Variants in MLC1 observed in about 807,000 individuals in gnomAD.
MLC1 encodes membrane protein MLC1.
In MLC1, 32 loss-of-function variants were observed where a neutral mutation model predicts 44.7. That is an observed-to-expected ratio of 0.72 (90% confidence interval 0.54 to 0.96). The LOEUF (loss-of-function observed/expected upper bound fraction) is 0.96, where lower values mean the gene tolerates loss of function less well. Among genes scored for constraint, MLC1 ranks in the 40% least tolerant of loss-of-function variants. The probability of loss-of-function intolerance (pLI) is 0.00; values close to 1 mark genes in which losing one functional copy is unlikely to be tolerated. For missense variants in MLC1, 459 were observed against 492.2 expected (o/e 0.93, Z 0.64); for synonymous variants, 190 against 213.0 (o/e 0.89, Z 0.94).
intron 3 of MLC1, among the ~76,000 whole-genome samples, chr22:50,081,053 G>GAAAGAAAGAAAGAAAGAAAGAAAGAAAGA (rs2062125381): frequency 6.6e-5 from 10 of 151,542 alleles, no homozygotes; most frequent in Admixed American, 6.6e-4. Context: ...AAGAAAGAAA[G>GAAAGAAAGAAAGAAAGAAAGAAAGAAAGA]AAAGAGGAGG....
At position 50,074,250 on chromosome 22, in the gene MLC1, T is replaced by C; in HGVS notation, c.680A>G (p.His227Arg). The change falls in exon 8 of 12, where the codon CAC becomes CGC. Residue 227 changes from histidine (H) to arginine (R), a missense_variant. Coordinates refer to ENST00000311597, the MANE Select transcript of MLC1 (RefSeq NM_015166.4). The stretch of plus-strand genomic sequence containing the variant: ...GATCCAAAAGAACGTCACTGAGAGG[T>C]GTGGGCCTGAAACTGAGTCATCCAC... ...LNVDDSVSGP[H>R]LSVTFFWILV... 6.2e-7 allele frequency: 1 copy of C among 1,613,594 alleles called. No individual in the cohort carries two copies. The highest frequency in any genetic ancestry group is 1.1e-5 in the South Asian group (1 of 90,992).
chr22:50,084,961 T>C lies in MLC1; in HGVS notation c.-59A>G, dbSNP rs1040235051. On this transcript the variant is annotated splice_region_variant and 5_prime_UTR_variant, in exon 2 of 12. Coordinates refer to ENST00000311597, the MANE Select transcript of MLC1 (RefSeq NM_015166.4). ...ACAGCCACGTGTCACCAGTTCTTTA[T>C]CTGGAATAAAATTATCATCGGCTTT... 6 of 1,598,482 alleles carry C rather than the reference T, an allele frequency of 3.8e-6. No individual in the cohort carries two copies. The Admixed American group carries it at 1.0e-4, about 27-fold the overall frequency.
chr22:50,064,102 C>A lies in MLC1; in HGVS notation c.991G>T (p.Val331Phe), dbSNP rs1407502869. 6.2e-7 allele frequency: 1 copy of A among 1,607,432 alleles called. No homozygotes were observed. Among genetic ancestry groups the A allele is most frequent in the Middle Eastern group, 1.7e-4 (1 of 5,990 alleles). ...GTAIQCVRFK[V>F]SARLQGASWD... ...GATGCACCCTGCAGCCTTGCACTGA[C>A]CTTGAAGCGCACGCACTGGATGGCG... Residue 331 changes from valine to phenylalanine, a missense_variant, in exon 11 of 12, where the codon GTC (valine) becomes TTC (phenylalanine). Val to Phe is a conservative substitution (Grantham distance 50). Transcript: ENST00000311597.
At chr22:50,079,113 G>T (rs1419708173) in intron 5 of MLC1, among the ~76,000 whole-genome samples, 1 of 152,002 alleles carries the variant, frequency 6.6e-6, no homozygotes, top group Non-Finnish European at 1.5e-5. Flanking sequence ...GTGAAACCTT[G>T]TCTGTACTAA....
At chr22:50,062,563 G>A (rs1246397978) in intron 11 of MLC1, among the ~76,000 whole-genome samples, 4 of 152,272 alleles carry the variant, frequency 2.6e-5, no homozygotes, top group Non-Finnish European at 5.9e-5. Context: ...GACGGGGTCA[G>A]CTGAGAAACG....
intron 11 of MLC1, 49 bp from the exon 12 acceptor site, chr22:50,061,706 G>A (rs766109625): frequency 1.9e-6 from 3 of 1,546,642 alleles, no homozygotes; most frequent in Non-Finnish European, 2.7e-6. Context: ...CACCTGTGCG[G>A]CGGGAAGGTG....
At chr22:50,081,549 G>A (rs117693007) in intron 3 of MLC1, among the ~76,000 whole-genome samples, 1,772 of 152,338 alleles carry the variant, frequency 0.012, 28 homozygotes, top group East Asian at 0.043. Context: ...GGATGGAGTC[G>A]GGCCAGCCCA....
intron 3 of MLC1, 131 bp from the exon 4 acceptor site, chr22:50,080,528 A>G: frequency 9.8e-7 from 1 of 1,022,948 alleles, no homozygotes; most frequent in East Asian, 2.6e-5. Flanking sequence ...TCCATGCAAC[A>G]CAGTGGGTTG....
Position 50,077,382 on chromosome 22 carries a change from G to A in MLC1, c.525+19C>T, listed in dbSNP as rs779976217. On this transcript the variant is annotated intron_variant, in intron 6 of 11. Coordinates refer to ENST00000311597, the MANE Select transcript of MLC1 (RefSeq NM_015166.4). ...TGCCTCTGCACCCCCTGCCCTGCGG[G>A]GTCAGAAGCTGCACCCACCTTCTTT... is the stretch of plus-strand genomic sequence containing the variant. 2 of 1,608,240 alleles carry A rather than the reference G, an allele frequency of 1.2e-6. No homozygotes were observed. The highest frequency in any genetic ancestry group is 1.7e-5 in the Admixed American group (1 of 59,970).
chr22:50,064,721 G>A (rs1263253986), intron 10 of MLC1, among the ~76,000 whole-genome samples: 1 of 152,176 alleles, frequency 6.6e-6, no homozygotes, highest in Non-Finnish European at 1.5e-5. Context: ...GCAGGGAAGA[G>A]GATGGAGGGA....
chr22:50,064,595 C>A (rs868401668), intron 10 of MLC1, among the ~76,000 whole-genome samples: 6 of 151,716 alleles, frequency 4.0e-5, no homozygotes, highest in African/African-American at 1.5e-4. Context: ...GGATCCTGAG[C>A]GGAGGAGACA....
intron 5 of MLC1, 48 bp from the exon 6 acceptor site, chr22:50,077,550 C>A: frequency 6.7e-7 from 1 of 1,488,628 alleles, no homozygotes; most frequent in Non-Finnish European, 9.3e-7. Context: ...CTTTCTCACG[C>A]CACCGCGCTT....
At chr22:50,078,055 A>C (rs1421706962) in intron 5 of MLC1, among the ~76,000 whole-genome samples, 1 of 149,780 alleles carries the variant, frequency 6.7e-6, no homozygotes, top group African/African-American at 2.5e-5. Context: ...CAAATGGCGC[A>C]ATCTCGGCTC....
intron 10 of MLC1, among the ~76,000 whole-genome samples, chr22:50,065,335 C>A (rs896626784): frequency 7.3e-5 from 11 of 151,616 alleles, no homozygotes; most frequent in East Asian, 5.8e-4. Context: ...GTTGAGACAC[C>A]ATTTATTGCA....
rs886057619 is a variant in MLC1, at chr22:50,059,420, A to C, written c.*2163T>G. On this transcript the variant is annotated 3_prime_UTR_variant, in exon 12 of 12. Transcript: ENST00000311597. Reference sequence around the variant, plus strand: ...TCTGCAAGTCAGCGTTTATTGCTCAAGCGTATTAAACAAAAATGTAGACTG... The same window carrying C: ...TCTGCAAGTCAGCGTTTATTGCTCACGCGTATTAAACAAAAATGTAGACTG... The C allele has an allele frequency of 1.2e-4, 19 of 152,542 alleles. No individual in the cohort carries two copies. The highest frequency in any genetic ancestry group is 4.6e-4 in the African/African-American group (19 of 41,602). 9.4% of individuals were successfully genotyped at this position (152,542 alleles called of 1,614,324 possible).
At chr22:50,070,276 G>T (rs1489466450) in intron 9 of MLC1, among the ~76,000 whole-genome samples, 1 of 152,200 alleles carries the variant, frequency 6.6e-6, no homozygotes, top group African/African-American at 2.4e-5. Context: ...CCTTCCAAGG[G>T]TTAGGCACAG....
intron 9 of MLC1, among the ~76,000 whole-genome samples, chr22:50,069,212 A>G (rs2061791472): frequency 6.7e-6 from 1 of 149,592 alleles, no homozygotes; most frequent in African/African-American, 2.5e-5. Context: ...TATTTTTAGT[A>G]GAGACAGGGT....
Position 50,082,973 on chromosome 22 carries a change from G to T in MLC1, c.267+111C>A, listed in dbSNP as rs182679006. 860 of 1,091,516 alleles carry T rather than the reference G, an allele frequency of 7.9e-4. 2 individuals carry two copies. The highest frequency in any genetic ancestry group is 1.1e-3 in the Non-Finnish European group (763 of 714,090). 67.6% of individuals were successfully genotyped at this position (1,091,516 alleles called of 1,614,324 possible). On this transcript the variant is annotated intron_variant, in intron 3 of 11. Transcript: ENST00000311597. ...AGCCACTGTGCCCGGCCCATATGAA[G>T]AGGTTTGAATGAGGTACAGGTGACA...
intron 11 of MLC1, among the ~76,000 whole-genome samples, chr22:50,062,244 ACCGCCCACCCTGAGCCCAAG>A (rs2061582288): frequency 1.4e-5 from 1 of 70,296 alleles, no homozygotes; most frequent in African/African-American, 6.1e-5. Context: ...CTGAGCCCCA[ACCGCCCACCCTGAGCCCAAG>A]CCACCCACCT....
Sources: allele counts gnomAD v4.1 joint callset (sites outside exome capture counted in the v4.1 genomes callset), GRCh38; gene constraint gnomAD v4.1.1; transcripts MANE v1.5; gene names NCBI Gene and HGNC (gene_info 2026-07-23, HGNC 2026-07-21).